The following CYP2W1 variants were observed in gnomAD, a reference collection of about 807,000 sequenced individuals.
CYP2W1 encodes the protein cytochrome P450 2W1.
In CYP2W1, 51 loss-of-function variants were observed where a neutral mutation model predicts 44.9. That is an observed-to-expected ratio of 1.14 (90% CI 0.91 to 1.43). The LOEUF is 1.43. Among genes scored for constraint, CYP2W1 ranks in the 40% most tolerant of loss-of-function variants. The probability of loss-of-function intolerance (pLI) is 0.00; values close to 1 mark genes in which losing one functional copy is unlikely to be tolerated. For missense variants in CYP2W1, 746 were observed against 700.0 expected, an observed-to-expected ratio of 1.07 and a Z score of -0.74; for synonymous variants, 383 against 338.3, an observed-to-expected ratio of 1.13 and a Z score of -1.45.
chr7:988,660 C>T lies in CYP2W1; in HGVS notation c.1311C>T (p.Arg437=), dbSNP rs151322437. 3 of 1,601,406 alleles carry T rather than the reference C, an allele frequency of 1.9e-6. No individual in the cohort carries two copies. Among genetic ancestry groups the T allele is most frequent in the Non-Finnish European group, 2.5e-6 (3 of 1,179,568 alleles). The change falls in exon 9 of 9, where the codon CGC becomes CGT. Residue 437 remains arginine, a synonymous_variant. Transcript: ENST00000308919. ...SAGRRVCVGE[R]LARTELFLLF... ...GCCGCCGCGTCTGTGTTGGGGAGCGCCTGGCCAGGACCGAGCTCTTCCTGC... is the reference window on the plus strand; with the variant it reads ...GCCGCCGCGTCTGTGTTGGGGAGCGTCTGGCCAGGACCGAGCTCTTCCTGC...
chr7:986,393 C>A (rs1848345892), intron 4 of CYP2W1: 1 of 579,124 alleles, frequency 1.7e-6, no homozygotes, highest in East Asian at 3.0e-5. Context: ...GGAAGGAGGT[C>A]CTGCTGTGCA....
At position 989,082 on chromosome 7, in the gene CYP2W1, C is replaced by T. The variant is rs544218997; in HGVS notation, c.*260C>T. 3.6e-4 allele frequency: 164 copies of T among 451,958 alleles called. 1 individual carries two copies. The highest frequency in any genetic ancestry group is 5.3e-4 in the African/African-American group (27 of 51,150). 28.0% of individuals were successfully genotyped at this position (451,958 alleles called of 1,614,324 possible). Reference sequence around the variant, plus strand: ...GCCCCCAGGAGCGCCTCCAGGGCCCCGCCCACTCTCCCACCCCTGAAGCTG... The same window carrying T: ...GCCCCCAGGAGCGCCTCCAGGGCCCTGCCCACTCTCCCACCCCTGAAGCTG... On this transcript the variant is annotated 3_prime_UTR_variant, in exon 9 of 9. Transcript: ENST00000308919.
At chr7:986,170 C>T (rs950405563) in intron 4 of CYP2W1, among the ~76,000 whole-genome samples, 13 of 152,264 alleles carry the variant, frequency 8.5e-5, no homozygotes, top group Admixed American at 5.9e-4. Flanking sequence ...CCCAGGAAGG[C>T]GAGTGGCACG....
chr7:983,482 C>A, intron 1 of CYP2W1, 97 bp downstream of exon 1: 1 of 1,233,296 alleles, frequency 8.1e-7, no homozygotes, highest in South Asian at 1.9e-5. Flanking sequence ...ACTGCCTGTT[C>A]CCACATGGTG....
chr7:987,026 G>A, intron 5 of CYP2W1, 81 bp from the exon 6 acceptor site: 1 of 1,417,724 alleles, frequency 7.1e-7, no homozygotes, highest in East Asian at 2.6e-5. Context: ...CATCCATAGT[G>A]GAGCCCAGGG....
At chr7:984,014 G>A (rs1848127278) in intron 1 of CYP2W1, among the ~76,000 whole-genome samples, 2 of 152,204 alleles carry the variant, frequency 1.3e-5, no homozygotes, top group Non-Finnish European at 2.9e-5. Context: ...TGGCCGGGCT[G>A]TAGCCGAAGA....
At chr7:984,123 C>T (rs1165105091) in intron 1 of CYP2W1, among the ~76,000 whole-genome samples, 1 of 152,206 alleles carries the variant, frequency 6.6e-6, no homozygotes, top group Non-Finnish European at 1.5e-5. Context: ...CAGCCCCCGA[C>T]CTTGCCGCCT....
rs138178506 is a variant in CYP2W1 at position 983,241 on chromosome 7, C to T, written c.30C>T (p.Gly10=). 2.5e-3 allele frequency: 3,815 copies of T among 1,529,592 alleles called. 7 individuals carry two copies. The highest frequency in any genetic ancestry group is 3.2e-3 in the Non-Finnish European group (3,578 of 1,134,594). The allele number at this position is 1,529,592 out of a possible 1,614,324, so 94.8% of individuals were successfully genotyped here. A position where few individuals can be genotyped will look rare whatever the true frequency, so the allele number is the denominator to read the frequency against. The change falls in exon 1 of 9, where the codon GGC becomes GGT. Residue 10 remains glycine, a synonymous_variant. Transcript: ENST00000308919. The part of the protein sequence containing the change: MALLLLLFL[G]LLGLWGLLCA... ...CCCTGCTGCTCTTGCTGTTCCTGGG[C>T]CTCCTGGGGCTCTGGGGGCTGCTCT...
At position 987,226 on chromosome 7, in the gene CYP2W1, C is replaced by T. The variant is rs1848425812; in HGVS notation, c.939C>T (p.Gly313=). The change falls in exon 6 of 9, where the codon GGC becomes GGT. Residue 313 remains glycine (G), a synonymous_variant. Transcript: ENST00000308919. The stretch of plus-strand genomic sequence containing the variant: ...TGCAGTGGGCCGCACTTCTGATGGG[C>T]CGGCACCCGGACGTGCAGGGTGAGA... ...ATLQWAALLM[G]RHPDVQGRVQ... The T allele has an allele frequency of 6.5e-7, 1 of 1,536,132 alleles. No homozygotes were observed.
intron 1 of CYP2W1, 71 bp downstream of exon 1, chr7:983,456 G>A: frequency 1.5e-6 from 2 of 1,341,862 alleles, no homozygotes; most frequent in African/African-American, 3.0e-5. Context: ...TCCTGGGGAA[G>A]CCCAGCCCGG....
In CYP2W1 at chr7:988,363, C is replaced by A. The variant is rs376227440; in HGVS notation, c.1230C>A (p.Phe410Leu). The change falls in exon 8 of 9, where the codon TTC becomes TTA. Residue 410 changes from phenylalanine to leucine, a missense_variant. Transcript: ENST00000308919. ...QTPGQFNPGH[F>L]LDANGHFVKR... ...CAGGCCAGTTCAACCCCGGCCATTT[C>A]CTGGACGCGAATGGGCACTTTGTGA... is the stretch of plus-strand genomic sequence containing the variant. 1 of 1,612,704 alleles carries A rather than the reference C, an allele frequency of 6.2e-7. No homozygotes were observed. Among genetic ancestry groups the A allele is most frequent in the East Asian group, 2.2e-5 (1 of 44,876 alleles).
In CYP2W1 at chr7:989,557, A is replaced by T. The variant is rs62433131; in HGVS notation, c.*735A>T. On this transcript the variant is annotated 3_prime_UTR_variant, in exon 9 of 9. Coordinates refer to ENST00000308919, the MANE Select transcript of CYP2W1 (RefSeq NM_017781.3). Reference sequence around the variant, plus strand: ...GCACTTTGGGAGGCCGAGGCAGGCGAATCACGAGGTCAGGAGTTCGAGACC... The same window carrying T: ...GCACTTTGGGAGGCCGAGGCAGGCGTATCACGAGGTCAGGAGTTCGAGACC... 6.5e-6 allele frequency: 1 copy of T among 153,010 alleles called. No homozygotes were observed. Among genetic ancestry groups the T allele is most frequent in the Middle Eastern group, 3.4e-3 (1 of 298 alleles). 9.5% of individuals were successfully genotyped at this position (153,010 alleles called of 1,614,324 possible). A position where few individuals can be genotyped will look rare whatever the true frequency, so the allele number is the denominator to read the frequency against.
intron 2 of CYP2W1, 91 bp from the exon 3 acceptor site, chr7:984,859 C>T: frequency 6.8e-7 from 1 of 1,475,414 alleles, no homozygotes; most frequent in Non-Finnish European, 9.0e-7. Flanking sequence ...AGTCTCGCTG[C>T]CCTGTCAGCC....
rs1461539345 is a variant in CYP2W1 at position 983,383 on chromosome 7, G to A, written c.172G>A (p.Glu58Lys). 1 of 1,506,582 alleles carries A rather than the reference G, an allele frequency of 6.6e-7. No individual in the cohort carries two copies. The highest frequency in any genetic ancestry group is 8.9e-7 in the Non-Finnish European group (1 of 1,124,738). 93.3% of individuals were successfully genotyped at this position (1,506,582 alleles called of 1,614,324 possible). A position where few individuals can be genotyped will look rare whatever the true frequency, so the allele number is the denominator to read the frequency against. Residue 58 changes from glutamate (E) to lysine (K), a missense_variant and splice_region_variant, in exon 1 of 9, where the codon GAG becomes AAG. Coordinates refer to ENST00000308919, the MANE Select transcript of CYP2W1 (RefSeq NM_017781.3). ...GTCGCAACAGGACCGGTCCCTGATG[G>A]AGGTAAGTCAGGGAGCCCGGGCAGC... is the stretch of plus-strand genomic sequence containing the variant. Reference protein sequence around the residue: ...RLSQQDRSLMELSERYGPVFT... With the variant: ...RLSQQDRSLMKLSERYGPVFT...
In CYP2W1 at chr7:987,198, C is replaced by T. The variant is rs551440848; in HGVS notation, c.911C>T (p.Thr304Met). The T allele has an allele frequency of 1.1e-4, 178 of 1,551,220 alleles. 1 individual carries two copies. The South Asian group carries it at 1.8e-3, about 16-fold the overall frequency. ...GCCGGGACGGAGACGACCTCGGCCA[C>T]GCTGCAGTGGGCCGCACTTCTGATG... ...VMAGTETTSA[T>M]LQWAALLMGR... Residue 304 changes from threonine to methionine, a missense_variant, in exon 6 of 9, where the codon ACG becomes ATG. Physicochemically the swap from Thr to Met is moderately conservative, Grantham distance 81. Transcript: ENST00000308919.
In CYP2W1 at chr7:988,113, G is replaced by A. The variant is rs182232406; in HGVS notation, c.1144-164G>A. Among the ~76,000 whole-genome samples the A allele has an allele frequency of 4.5e-3, 692 of 152,266 alleles. 3 individuals carry two copies. The highest frequency in any genetic ancestry group is 0.041 in the Middle Eastern group (12 of 294). The stretch of plus-strand genomic sequence containing the variant: ...TTGGGGCCCCTGGCTGTGTGCCCTG[G>A]GGTCATGTGGCCTCCCTGGGTTTGG... On this transcript the variant is annotated intron_variant, in intron 7 of 8. Coordinates refer to ENST00000308919, the MANE Select transcript of CYP2W1 (RefSeq NM_017781.3).
At position 985,324 on chromosome 7, in the gene CYP2W1, G is replaced by T. The variant is rs773596891; in HGVS notation, c.645+1G>T. 7.7e-6 allele frequency: 12 copies of T among 1,549,288 alleles called. No homozygotes were observed. The Admixed American group carries it at 2.2e-4, about 28-fold the overall frequency. The stretch of plus-strand genomic sequence containing the variant: ...CCTCTTGGGGTCCCCTGGCCTGCAG[G>T]TGAGGAGCTGCCTCCCATCCTTGGG... On this transcript the variant is annotated splice_donor_variant, in intron 4 of 8. Coordinates refer to ENST00000308919, the MANE Select transcript of CYP2W1 (RefSeq NM_017781.3). LOFTEE classifies it high-confidence loss of function.
In CYP2W1 at chr7:985,077, TG is replaced by T. The variant is rs1562953417; in HGVS notation, c.468del (p.Gln157SerfsTer88). On this transcript the variant is annotated frameshift_variant, in exon 3 of 9. Coordinates refer to ENST00000308919, the MANE Select transcript of CYP2W1 (RefSeq NM_017781.3). LOFTEE classifies it high-confidence loss of function. ...TTCTGCAGGAGCTGAAATGCCTCTC[TG>T]GGCAGCTGGATGGCTACAGAGGTGA... ...KILQELKCLS[G>X]QLDGYRGRPF... 1 of 1,612,408 alleles carries T rather than the reference TG, an allele frequency of 6.2e-7. No homozygotes were observed. The highest frequency in any genetic ancestry group is 8.5e-7 in the Non-Finnish European group (1 of 1,179,758).
In CYP2W1 at chr7:987,479, T is replaced by C. The variant is rs1246200217; in HGVS notation, c.1091T>C (p.Val364Ala). 5.8e-5 allele frequency: 90 copies of C among 1,557,542 alleles called. No homozygotes were observed. Among genetic ancestry groups the C allele is most frequent in the Non-Finnish European group, 7.8e-5 (90 of 1,159,384 alleles). Residue 364 changes from valine to alanine, a missense_variant, in exon 7 of 9, where the codon GTG becomes GCG. Coordinates refer to ENST00000308919, the MANE Select transcript of CYP2W1 (RefSeq NM_017781.3). ...CGGTTCATCACGCTCCTGCCGCACG[T>C]GCCCCGCTGCACCGCGGCCGACACA... Reference protein sequence around the residue: ...VQRFITLLPHVPRCTAADTQL... With the variant: ...VQRFITLLPHAPRCTAADTQL...
Sources: gnomAD v4.1 joint callset for allele counts (sites outside exome capture counted in the v4.1 genomes callset) on GRCh38, gnomAD v4.1.1 for gene constraint, MANE v1.5 for transcripts, NCBI Gene and HGNC (gene_info 2026-07-23, HGNC 2026-07-21) for gene names.